Variants in TECRL observed in about 807,000 individuals in gnomAD.
TECRL encodes trans-2,3-enoyl-CoA reductase like.
A neutral mutation model predicts 52.8 loss-of-function variants in TECRL; 63 were observed. The observed-to-expected ratio is 1.19, with a 90% confidence interval of 0.97 to 1.47. The LOEUF is 1.47. TECRL is among the 40% of genes most tolerant of loss of function. The pLI is 0.00. For synonymous variants in TECRL, 164 were observed against 141.9 expected, an observed-to-expected ratio of 1.16 and a Z score of -1.10; for missense variants, 482 against 429.6, an observed-to-expected ratio of 1.12 and a Z score of -1.08.
chr4:64,388,876 A>C (rs1472941827), intron 1 of TECRL, among the ~76,000 whole-genome samples: 1 of 151,880 alleles, frequency 6.6e-6, no homozygotes, highest in Non-Finnish European at 1.5e-5. Flanking sequence ...ATAATTTTGA[A>C]TTGCTCTTAT....
chr4:64,361,681 G>A (rs571145919), intron 2 of TECRL, among the ~76,000 whole-genome samples: 1 of 151,106 alleles, frequency 6.6e-6, no homozygotes, highest in African/African-American at 2.4e-5. Context: ...AAACCCTCAA[G>A]GTCACCAAAG....
chr4:64,403,081 A>G (rs528895392), intron 1 of TECRL, among the ~76,000 whole-genome samples: 29 of 152,026 alleles, frequency 1.9e-4, no homozygotes, highest in Middle Eastern at 3.4e-3. Context: ...CCGTGTTCCT[A>G]TCTCTCTGGT....
At chr4:64,383,290 T>A (rs370123742) in intron 1 of TECRL, among the ~76,000 whole-genome samples, 1 of 152,046 alleles carries the variant, frequency 6.6e-6, no homozygotes, top group African/African-American at 2.4e-5. Context: ...TAAGCTCCTG[T>A]ATCTGGATGT....
At chr4:64,330,075 C>T (rs1189223255) in intron 2 of TECRL, among the ~76,000 whole-genome samples, 4 of 151,592 alleles carry the variant, frequency 2.6e-5, no homozygotes, top group South Asian at 2.1e-4. Context: ...ATCAGAGAAA[C>T]ATCTATCATG....
At chr4:64,387,115 G>A (rs946165004) in intron 1 of TECRL, among the ~76,000 whole-genome samples, 21 of 152,098 alleles carry the variant, frequency 1.4e-4, no homozygotes, top group Non-Finnish European at 7.4e-5. Context: ...TAATCTTTTA[G>A]CTGTCATCAT....
intron 2 of TECRL, among the ~76,000 whole-genome samples, chr4:64,368,445 G>A (rs1422563297): frequency 1.4e-4 from 21 of 151,760 alleles, no homozygotes; most frequent in East Asian, 2.0e-4. Flanking sequence ...ACAGGCGCAC[G>A]CCACCACACC....
chr4:64,386,652 T>C (rs1019357137), intron 1 of TECRL, among the ~76,000 whole-genome samples: 3 of 152,204 alleles, frequency 2.0e-5, no homozygotes, highest in Non-Finnish European at 2.9e-5. Flanking sequence ...TTAATACTTA[T>C]GCTGTTTTTC....
At chr4:64,370,881 T>C (rs888029676) in intron 2 of TECRL, among the ~76,000 whole-genome samples, 2 of 151,930 alleles carry the variant, frequency 1.3e-5, no homozygotes, top group Non-Finnish European at 2.9e-5. Context: ...GTTCATACTG[T>C]ACATTTTGTA....
intron 2 of TECRL, among the ~76,000 whole-genome samples, chr4:64,342,431 A>G (rs200841674): frequency 4.2e-5 from 1 of 23,836 alleles, no homozygotes; most frequent in African/African-American, 8.5e-5. Context: ...TTATATATAT[A>G]TATGTGTGTG....
intron 7 of TECRL, among the ~76,000 whole-genome samples, chr4:64,302,137 A>T (rs1030154883): frequency 6.6e-6 from 1 of 151,380 alleles, no homozygotes; most frequent in Non-Finnish European, 1.5e-5. Flanking sequence ...TTGATAATCT[A>T]TTTCATTTAG....
At chr4:64,333,078 G>A (rs1053047370) in intron 2 of TECRL, among the ~76,000 whole-genome samples, 2 of 151,742 alleles carry the variant, frequency 1.3e-5, no homozygotes, top group African/African-American at 4.8e-5. Context: ...GACATATGAT[G>A]ACAAGATCTA....
chr4:64,399,010 C>T (rs995318448), intron 1 of TECRL, among the ~76,000 whole-genome samples: 1 of 152,104 alleles, frequency 6.6e-6, no homozygotes, highest in Non-Finnish European at 1.5e-5. Flanking sequence ...GAGAATGATG[C>T]AAGCGTGTGT....
intron 2 of TECRL, among the ~76,000 whole-genome samples, chr4:64,358,068 C>A (rs1421756876): frequency 6.7e-6 from 1 of 149,640 alleles, no homozygotes; most frequent in African/African-American, 2.4e-5. Context: ...TTAAAAATTA[C>A]TAGGTCTGTG....
At chr4:64,317,579 A>G (rs1717594943) in intron 4 of TECRL, among the ~76,000 whole-genome samples, 1 of 152,204 alleles carries the variant, frequency 6.6e-6, no homozygotes, top group African/African-American at 2.4e-5. Context: ...TTTTGGGAGC[A>G]TTTATCACTT....
intron 8 of TECRL, among the ~76,000 whole-genome samples, chr4:64,294,759 G>A (rs941720940): frequency 6.6e-6 from 1 of 151,704 alleles, no homozygotes; most frequent in African/African-American, 2.4e-5. Context: ...TTTATCTATA[G>A]CAACAATAAT....
chr4:64,331,778 G>T (rs1718658550), intron 2 of TECRL, among the ~76,000 whole-genome samples: 1 of 152,010 alleles, frequency 6.6e-6, no homozygotes, highest in Non-Finnish European at 1.5e-5. Flanking sequence ...AGAAGAATTA[G>T]TCAATGAAAG....
chr4:64,382,889 C>CT (rs1385268363), intron 1 of TECRL, among the ~76,000 whole-genome samples: 3 of 151,942 alleles, frequency 2.0e-5, no homozygotes, highest in East Asian at 1.9e-4. Flanking sequence ...GAGTTTTATA[C>CT]TTTTTTGTAT....
At chr4:64,323,528 G>A (rs762623169) in intron 3 of TECRL, among the ~76,000 whole-genome samples, 6 of 152,078 alleles carry the variant, frequency 3.9e-5, no homozygotes, top group Admixed American at 6.6e-5. Flanking sequence ...CCAAAGCACC[G>A]GGAGAATGGT....
chr4:64,393,440 C>T (rs1397531157), intron 1 of TECRL, among the ~76,000 whole-genome samples: 1 of 151,896 alleles, frequency 6.6e-6, no homozygotes, highest in Non-Finnish European at 1.5e-5. Flanking sequence ...CAGAATCTTG[C>T]AATCACAGAG....
Sources: allele counts gnomAD v4.1 joint callset (sites outside exome capture counted in the v4.1 genomes callset), GRCh38; gene constraint gnomAD v4.1.1; transcripts MANE v1.5; gene names NCBI Gene and HGNC (gene_info 2026-07-23, HGNC 2026-07-21).